SYNE1: variants seen among roughly 807,000 people sequenced by gnomAD.
SYNE1 encodes spectrin repeat containing nuclear envelope protein 1, also known as nesprin-1.
A neutral mutation model predicts 1,111.0 loss-of-function variants in SYNE1; 616 were observed. That is an observed-to-expected ratio of 0.55 (90% CI 0.52 to 0.59). SYNE1 has a LOEUF of 0.59. SYNE1 is among the 20% of genes least tolerant of loss of function. The probability of loss-of-function intolerance (pLI) is 0.00; values close to 1 mark genes in which losing one functional copy is unlikely to be tolerated. For synonymous variants in SYNE1, 3,855 were observed against 3,825.8 expected (o/e 1.01, Z -0.28); for missense variants, 10,006 against 10,417.0 (o/e 0.96, Z 1.72).
At position 152,451,198 on chromosome 6, in the gene SYNE1, T is replaced by G; in HGVS notation, c.3035A>C (p.Gln1012Pro). 6.2e-7 allele frequency: 1 copy of G among 1,613,912 alleles called. No individual in the cohort carries two copies. Among genetic ancestry groups the G allele is most frequent in the Non-Finnish European group, 8.5e-7 (1 of 1,179,974 alleles). Residue 1012 changes from glutamine (Q) to proline (P), a missense_variant, in exon 26 of 146, where the codon CAA (glutamine) becomes CCA (proline). By Grantham distance (76) the Gln-to-Pro change is moderately conservative. Transcript: ENST00000367255. ...AAGCAAATGATAAGGGGCTTCTCCT[T>G]GAAGATCCTACATTCCATAGGAAGA... is the stretch of plus-strand genomic sequence containing the variant. ...RKLHKQWKDL[Q>P]GEAPYHLLHL...
chr6:152,281,330 C>T (rs924275465), intron 97 of SYNE1, among the ~76,000 whole-genome samples: 2 of 152,212 alleles, frequency 1.3e-5, no homozygotes, highest in Non-Finnish European at 2.9e-5. Context: ...AACACATTCT[C>T]TGCTCCAAAA....
chr6:152,228,924 T>A (rs1326703106), intron 115 of SYNE1, among the ~76,000 whole-genome samples: 2 of 151,852 alleles, frequency 1.3e-5, no homozygotes, highest in Non-Finnish European at 2.9e-5. Flanking sequence ...GGCTTTTTTT[T>A]ATTAAATAAA....
Position 152,413,339 on chromosome 6 carries a change from G to T in SYNE1, c.6230+13C>A, listed in dbSNP as rs752678476. On this transcript the variant is annotated intron_variant, in intron 42 of 145. Coordinates refer to ENST00000367255, the MANE Select transcript of SYNE1 (RefSeq NM_182961.4). ...GGAAGCTAAAAACAAGAACTGGGTGGGTTTTGACTTACTTTTCATGAATTA... is the reference window on the plus strand; with the variant it reads ...GGAAGCTAAAAACAAGAACTGGGTGTGTTTTGACTTACTTTTCATGAATTA... The T allele has an allele frequency of 6.2e-7, 1 of 1,614,036 alleles. No homozygotes were observed. Among genetic ancestry groups the T allele is most frequent in the South Asian group, 1.1e-5 (1 of 91,074 alleles).
chr6:152,521,412 G>A (rs2099138792), intron 5 of SYNE1, among the ~76,000 whole-genome samples: 1 of 152,126 alleles, frequency 6.6e-6, no homozygotes, highest in African/African-American at 2.4e-5. Flanking sequence ...ACTTCCATTT[G>A]TAAAGTAATA....
chr6:152,409,690 G>T lies in SYNE1; in HGVS notation c.6250C>A (p.Leu2084Ile). The T allele has an allele frequency of 1.2e-6, 2 of 1,613,608 alleles. No homozygotes were observed. The highest frequency in any genetic ancestry group is 1.7e-6 in the Non-Finnish European group (2 of 1,179,928). Residue 2084 changes from leucine to isoleucine, a missense_variant, in exon 43 of 146, where the codon CTT becomes ATT. Coordinates refer to ENST00000367255, the MANE Select transcript of SYNE1 (RefSeq NM_182961.4). Reference protein sequence around the residue: ...IHENQGQCCGLIDLMREYQNL... With the variant: ...IHENQGQCCGIIDLMREYQNL... Reference sequence around the variant, plus strand: ...TGATATTCTCTCATTAAGTCAATAAGTCCACAGCACTGACCCTGACTGTAA... The same window carrying T: ...TGATATTCTCTCATTAAGTCAATAATTCCACAGCACTGACCCTGACTGTAA...
chr6:152,209,640 C>T (rs527838319), intron 124 of SYNE1, among the ~76,000 whole-genome samples: 95 of 151,884 alleles, frequency 6.3e-4, no homozygotes, highest in African/African-American at 2.3e-3. Flanking sequence ...TTCCCAGCTA[C>T]TTGGGAGGCT....
intron 11 of SYNE1, among the ~76,000 whole-genome samples, chr6:152,489,273 C>T (rs1027533455): frequency 4.6e-5 from 7 of 152,080 alleles, no homozygotes; most frequent in East Asian, 1.9e-4. Flanking sequence ...CATGATTTTT[C>T]GGCATTTACA....
intron 32 of SYNE1, among the ~76,000 whole-genome samples, chr6:152,440,047 C>G (rs967039202): frequency 6.6e-6 from 1 of 152,186 alleles, no homozygotes; most frequent in Non-Finnish European, 1.5e-5. Flanking sequence ...CTCCGTCAGA[C>G]TCAAAACCTC....
chr6:152,154,894 C>G lies in SYNE1; in HGVS notation c.24127G>C (p.Glu8043Gln). ...TVAKEELKKF[E>Q]AFQRQVHECL... ...AAAAATTTGGAATTATAGATTACCTCAAATTTCTTTAGTTCTTCCTTGGCA... is the reference window on the plus strand; with the variant it reads ...AAAAATTTGGAATTATAGATTACCTGAAATTTCTTTAGTTCTTCCTTGGCA... Residue 8043 changes from glutamate (E) to glutamine (Q), a missense_variant and splice_region_variant, in exon 133 of 146, where the codon GAG becomes CAG. Around this residue, in one of 7 missense-constraint regions of SYNE1, gnomAD observed 2,182 missense variants for 2,287.8 expected, o/e 0.95. Coordinates refer to ENST00000367255, the MANE Select transcript of SYNE1 (RefSeq NM_182961.4). 1 of 1,614,080 alleles carries G rather than the reference C, an allele frequency of 6.2e-7. No individual in the cohort carries two copies. The highest frequency in any genetic ancestry group is 1.7e-5 in the Admixed American group (1 of 60,008).
chr6:152,166,652 A>G (rs2063716996), intron 130 of SYNE1, among the ~76,000 whole-genome samples: 1 of 152,244 alleles, frequency 6.6e-6, no homozygotes, highest in Admixed American at 6.5e-5. Context: ...TGACATGGAA[A>G]TGTGTGTTCA....
chr6:152,472,136 A>G (rs1288396677), intron 15 of SYNE1, 165 bp downstream of exon 15: 7 of 645,908 alleles, frequency 1.1e-5, no homozygotes, highest in Non-Finnish European at 5.4e-6. Flanking sequence ...TTAATAATAC[A>G]TTAGAATGGT....
chr6:152,398,739 A>G lies in SYNE1; in HGVS notation c.7238-8T>C. 6.2e-7 allele frequency: 1 copy of G among 1,600,716 alleles called. No individual in the cohort carries two copies. The highest frequency in any genetic ancestry group is 8.5e-7 in the Non-Finnish European group (1 of 1,170,144). ...GGAATTCCTGCATAGACTCTTTTGAAAGAAAAAATAAATAAATAAAAATAA... is the reference window on the plus strand; with the variant it reads ...GGAATTCCTGCATAGACTCTTTTGAGAGAAAAAATAAATAAATAAAAATAA... On this transcript the variant is annotated splice_polypyrimidine_tract_variant and splice_region_variant and intron_variant, in intron 48 of 145. Coordinates refer to ENST00000367255, the MANE Select transcript of SYNE1 (RefSeq NM_182961.4).
intron 96 of SYNE1, 65 bp from the exon 97 acceptor site, chr6:152,282,045 T>A: frequency 6.5e-7 from 1 of 1,537,872 alleles, no homozygotes; most frequent in Non-Finnish European, 8.9e-7. Flanking sequence ...TTTAACACAG[T>A]AAAGCAATGG....
chr6:152,162,567 G>C (rs1435532873), intron 131 of SYNE1, among the ~76,000 whole-genome samples: 1 of 152,126 alleles, frequency 6.6e-6, no homozygotes, highest in Non-Finnish European at 1.5e-5. Flanking sequence ...GGAAGAATCT[G>C]GGAAGCCGGA....
chr6:152,230,845 G>T (rs1041555595), intron 114 of SYNE1, 143 bp from the exon 115 acceptor site: 14 of 969,546 alleles, frequency 1.4e-5, no homozygotes, highest in South Asian at 6.1e-5. Flanking sequence ...TAAAACAGGG[G>T]TGTCTAATCT....
chr6:152,607,841 T>A (rs1381025010), intron 3 of SYNE1, among the ~76,000 whole-genome samples: 2 of 152,234 alleles, frequency 1.3e-5, no homozygotes, highest in Non-Finnish European at 2.9e-5. Context: ...CACCATGGAA[T>A]GCTATACAGC....
chr6:152,518,520 G>A (rs769897088), intron 6 of SYNE1, among the ~76,000 whole-genome samples: 1 of 151,954 alleles, frequency 6.6e-6, no homozygotes, highest in Non-Finnish European at 1.5e-5. Context: ...GCTTCCTGAG[G>A]CCTCTCCGGA....
At position 152,498,667 on chromosome 6, in the gene SYNE1, A is replaced by G. The variant is rs1015404963; in HGVS notation, c.939+75T>C. On this transcript the variant is annotated intron_variant, in intron 11 of 145. Transcript: ENST00000367255. ...TGTATACATAAAGACAAAAACATGC[A>G]AGGGAATGACTAAAATGCTACAGAA... The G allele has an allele frequency of 8.7e-6, 9 of 1,038,070 alleles. No homozygotes were observed. In the African/African-American group the frequency reaches 1.5e-4, roughly 17 times the overall value. The allele number at this position is 1,038,070 out of a possible 1,614,324, so 64.3% of individuals were successfully genotyped here. A position where few individuals can be genotyped will look rare whatever the true frequency, so the allele number is the denominator to read the frequency against.
chr6:152,430,942 A>C (rs565170851), intron 34 of SYNE1, among the ~76,000 whole-genome samples: 80 of 152,232 alleles, frequency 5.3e-4, no homozygotes, highest in Admixed American at 1.2e-3. Context: ...CATACGGAGA[A>C]ATAGCTACTC....
Sources: gnomAD v4.1 joint callset for allele counts (sites outside exome capture counted in the v4.1 genomes callset) on GRCh38, gnomAD v4.1.1 for gene constraint, gnomAD v4.1.1 regional missense constraint, MANE v1.5 for transcripts, NCBI Gene and HGNC (gene_info 2026-07-23, HGNC 2026-07-21) for gene names.